TAOK3: variants seen among roughly 807,000 people sequenced by gnomAD.
TAOK3 encodes the protein serine/threonine-protein kinase TAO3.
TAOK3 carries 40 observed loss-of-function variants against 120.4 expected under a neutral mutation model. That is an observed-to-expected ratio of 0.33 (90% CI 0.26 to 0.43). The LOEUF is 0.43. Among genes scored for constraint, TAOK3 ranks in the 20% least tolerant of loss-of-function variants. The pLI, the probability that TAOK3 is intolerant of heterozygous loss-of-function variation, is 1.00. For synonymous variants in TAOK3, 355 were observed against 387.5 expected (o/e 0.92, Z 0.99); for missense variants, 821 against 1,112.1 (o/e 0.74, Z 3.72).
intron 2 of TAOK3, among the ~76,000 whole-genome samples, chr12:118,258,264 G>A (rs2041074573): frequency 6.6e-6 from 1 of 152,044 alleles, no homozygotes; most frequent in Admixed American, 6.6e-5. Flanking sequence ...TGGGAAAAAG[G>A]ATCCCTCCGC....
chr12:118,163,763 G>A (rs1182802018), intron 17 of TAOK3, among the ~76,000 whole-genome samples: 2 of 152,078 alleles, frequency 1.3e-5, no homozygotes, highest in South Asian at 2.1e-4. Flanking sequence ...GTGCAATGGA[G>A]TGCAATGGTG....
intron 1 of TAOK3, among the ~76,000 whole-genome samples, chr12:118,291,589 T>C (rs1481624416): frequency 1.3e-5 from 2 of 152,204 alleles, no homozygotes; most frequent in African/African-American, 4.8e-5. Context: ...CTGACCTTTA[T>C]TCCGGAAGTT....
chr12:118,205,767 C>T (rs983543925), intron 11 of TAOK3, among the ~76,000 whole-genome samples: 4 of 152,038 alleles, frequency 2.6e-5, no homozygotes, highest in Non-Finnish European at 4.4e-5. Context: ...TGCACCATTA[C>T]GCCCAACTAC....
chr12:118,268,177 A>G (rs1439455759), intron 1 of TAOK3, among the ~76,000 whole-genome samples: 1 of 152,130 alleles, frequency 6.6e-6, no homozygotes, highest in Non-Finnish European at 1.5e-5. Context: ...ACAATCAAAA[A>G]CCAAGGCTGT....
intron 17 of TAOK3, among the ~76,000 whole-genome samples, chr12:118,165,667 T>C (rs2035534091): frequency 6.6e-6 from 1 of 152,216 alleles, no homozygotes. Context: ...GCAAGTCTCT[T>C]AATCTGTATT....
intron 1 of TAOK3, among the ~76,000 whole-genome samples, chr12:118,315,809 G>A (rs1229740642): frequency 6.6e-6 from 1 of 151,906 alleles, no homozygotes; most frequent in African/African-American, 2.4e-5. Context: ...ATATGCACAT[G>A]AGAGAAAAAA....
intron 1 of TAOK3, among the ~76,000 whole-genome samples, chr12:118,330,211 G>A (rs1310740315): frequency 6.6e-6 from 1 of 152,186 alleles, no homozygotes; most frequent in Non-Finnish European, 1.5e-5. Flanking sequence ...AGTGACAGAT[G>A]AGAAAATAAA....
intron 3 of TAOK3, chr12:118,246,446 C>G: frequency 7.4e-7 from 1 of 1,356,912 alleles, no homozygotes; most frequent in South Asian, 1.2e-5. Flanking sequence ...CCAGCCAGCG[C>G]ACCAGGTTCA....
At chr12:118,354,602 C>T (rs973216544) in intron 1 of TAOK3, among the ~76,000 whole-genome samples, 3 of 152,150 alleles carry the variant, frequency 2.0e-5, no homozygotes, top group Admixed American at 1.3e-4. Context: ...TGAATTGTAG[C>T]TCCCACAATT....
At chr12:118,266,887 G>A (rs1043607614) in intron 1 of TAOK3, 128 bp from the exon 2 acceptor site, 2 of 363,688 alleles carry the variant, frequency 5.5e-6, no homozygotes, top group Admixed American at 9.2e-5. Flanking sequence ...TCATCTGTTT[G>A]TGGATGGCAA....
At chr12:118,334,728 T>G (rs994067805) in intron 1 of TAOK3, among the ~76,000 whole-genome samples, 1 of 148,552 alleles carries the variant, frequency 6.7e-6, no homozygotes, top group Admixed American at 6.7e-5. Context: ...TACAAAAAAT[T>G]AGCTGGGCGT....
At chr12:118,232,458 T>C (rs558563174) in intron 9 of TAOK3, among the ~76,000 whole-genome samples, 11 of 152,232 alleles carry the variant, frequency 7.2e-5, no homozygotes, top group African/African-American at 1.7e-4. Flanking sequence ...CTAATACAAG[T>C]TGGAGTATAA....
At chr12:118,318,643 A>G (rs1470519357) in intron 1 of TAOK3, among the ~76,000 whole-genome samples, 1 of 152,240 alleles carries the variant, frequency 6.6e-6, no homozygotes, top group Non-Finnish European at 1.5e-5. Flanking sequence ...AATGTAAATT[A>G]GCACAGTGAT....
intron 9 of TAOK3, among the ~76,000 whole-genome samples, chr12:118,221,409 A>C (rs2039224829): frequency 1.3e-5 from 2 of 151,800 alleles, no homozygotes; most frequent in Admixed American, 1.3e-4. Flanking sequence ...TTTTTAGTAG[A>C]GATAGGGTTT....
At chr12:118,269,383 CTTTTTTTTT>C (rs1174725563) in intron 1 of TAOK3, among the ~76,000 whole-genome samples, 2 of 103,888 alleles carry the variant, frequency 1.9e-5, no homozygotes, top group African/African-American at 7.8e-5. Flanking sequence ...TCTCTCTCTT[CTTTTTTTTT>C]TTTTTTTTTT....
intron 3 of TAOK3, chr12:118,246,213 C>T (rs890665687): frequency 9.6e-6 from 14 of 1,454,678 alleles, no homozygotes; most frequent in African/African-American, 4.2e-5. Context: ...TGGACGGGGC[C>T]GGGGCCGAGG....
intron 1 of TAOK3, among the ~76,000 whole-genome samples, chr12:118,280,604 A>G (rs144615938): frequency 8.9e-4 from 135 of 152,284 alleles, no homozygotes; most frequent in African/African-American, 3.0e-3. Context: ...ATATCATTAT[A>G]GTTTGAAGTC....
chr12:118,326,974 A>G (rs2043960728), intron 1 of TAOK3, among the ~76,000 whole-genome samples: 2 of 152,186 alleles, frequency 1.3e-5, no homozygotes, highest in South Asian at 2.1e-4. Flanking sequence ...TTTATTACCC[A>G]AATGGAGTCA....
Position 118,160,023 on chromosome 12 carries a change from T to C in TAOK3, c.2352+123A>G, listed in dbSNP as rs1230435313. 1.2e-5 allele frequency: 10 copies of C among 837,322 alleles called. No homozygotes were observed. Among genetic ancestry groups the C allele is most frequent in the Non-Finnish European group, 2.0e-5 (10 of 508,986 alleles). 51.9% of individuals were successfully genotyped at this position (837,322 alleles called of 1,614,324 possible). ...CAACGTCGTCCTTTCCTCAGTCCTT[T>C]GGGCAGAAAAACATCAATATCCTAA... On this transcript the variant is annotated intron_variant, in intron 19 of 20. Coordinates refer to ENST00000392533, the MANE Select transcript of TAOK3 (RefSeq NM_016281.4). The surrounding 1 kb of genome is among the most constrained non-coding windows in gnomAD (Gnocchi z 4.2).
Sources: gnomAD v4.1 joint callset for allele counts (sites outside exome capture counted in the v4.1 genomes callset) on GRCh38, gnomAD v4.1.1 for gene constraint, Gnocchi (gnomAD v3.1) non-coding constraint, MANE v1.5 for transcripts, NCBI Gene and HGNC (gene_info 2026-07-23, HGNC 2026-07-21) for gene names.